SCD5: variants seen among roughly 807,000 people sequenced by gnomAD.
SCD5 encodes stearoyl-CoA desaturase 5.
SCD5 carries 20 observed loss-of-function variants against 30.4 expected under a neutral mutation model. That is an observed-to-expected ratio of 0.66 (90% confidence interval 0.46 to 0.96). The LOEUF (loss-of-function observed/expected upper bound fraction) is 0.96. Among genes scored for constraint, SCD5 ranks in the 40% least tolerant of loss-of-function variants. The probability of loss-of-function intolerance (pLI) is 0.00; values close to 1 mark genes in which losing one functional copy is unlikely to be tolerated. For synonymous variants in SCD5, 173 were observed against 176.4 expected, an observed-to-expected ratio of 0.98 and a Z score of 0.16; for missense variants, 381 against 443.3, an observed-to-expected ratio of 0.86 and a Z score of 1.26.
At chr4:82,750,590 C>T in intron 1 of SCD5, among the ~76,000 whole-genome samples, 1 of 151,836 alleles carries the variant, frequency 6.6e-6, no homozygotes, top group Non-Finnish European at 1.5e-5. Context: ...TCTTTTGAGT[C>T]CTCGAGAATA....
At chr4:82,663,437 C>T (rs946497547) in intron 3 of SCD5, among the ~76,000 whole-genome samples, 6 of 152,298 alleles carry the variant, frequency 3.9e-5, no homozygotes, top group Admixed American at 1.3e-4. Flanking sequence ...ACCCAGGACC[C>T]CCTCTGCCAC....
chr4:82,754,530 C>G (rs1394504612), intron 1 of SCD5, among the ~76,000 whole-genome samples: 1 of 152,110 alleles, frequency 6.6e-6, no homozygotes, highest in African/African-American at 2.4e-5. Flanking sequence ...CCACCCTCCC[C>G]TCACCAGCAG....
chr4:82,721,131 G>A (rs1385899096), intron 1 of SCD5, among the ~76,000 whole-genome samples: 1 of 152,056 alleles, frequency 6.6e-6, no homozygotes, highest in South Asian at 2.1e-4. Context: ...ACTGCATTCC[G>A]GTCTAGGTGA....
intron 3 of SCD5, among the ~76,000 whole-genome samples, chr4:82,664,858 G>T (rs1256821661): frequency 6.6e-6 from 1 of 151,220 alleles, no homozygotes. Flanking sequence ...ATGCATTGTG[G>T]CTCATGCCTG....
chr4:82,653,707 T>TAGATAGATAGATAGATATAG (rs34976357), intron 3 of SCD5, among the ~76,000 whole-genome samples: 5,779 of 61,308 alleles, frequency 0.094, 178 homozygotes, highest in East Asian at 0.27. Flanking sequence ...GATAGATAGA[T>TAGATAGATAGATAGATATAG]ATAGATAGAT....
At chr4:82,783,664 G>A (rs1384652310) in intron 1 of SCD5, among the ~76,000 whole-genome samples, 1 of 152,004 alleles carries the variant, frequency 6.6e-6, no homozygotes, top group African/African-American at 2.4e-5. Flanking sequence ...TTAGCTGGGC[G>A]TGGCAGCGCA....
At chr4:82,725,353 G>A (rs1337093509) in intron 1 of SCD5, among the ~76,000 whole-genome samples, 8 of 152,090 alleles carry the variant, frequency 5.3e-5, no homozygotes, top group African/African-American at 1.7e-4. Flanking sequence ...TGTCACCACC[G>A]TCCACGCTAA....
At chr4:82,750,867 G>A in intron 1 of SCD5, among the ~76,000 whole-genome samples, 1 of 152,196 alleles carries the variant, frequency 6.6e-6, no homozygotes, top group East Asian at 1.9e-4. Context: ...GGCAGCAAAT[G>A]CCAAAGAACT....
intron 1 of SCD5, among the ~76,000 whole-genome samples, chr4:82,715,656 T>C (rs949391142): frequency 4.2e-5 from 5 of 118,252 alleles, no homozygotes; most frequent in Non-Finnish European, 6.6e-5. Context: ...ACAGGGGTCA[T>C]AACTCTGGCT....
chr4:82,793,476 G>A (rs974300946), intron 1 of SCD5, among the ~76,000 whole-genome samples: 4 of 152,208 alleles, frequency 2.6e-5, no homozygotes, highest in African/African-American at 7.2e-5. Context: ...TCTTTGGAAC[G>A]TTGAGAAAGA....
chr4:82,712,793 T>A (rs1214798861), intron 1 of SCD5, among the ~76,000 whole-genome samples: 9 of 152,240 alleles, frequency 5.9e-5, no homozygotes, highest in Non-Finnish European at 1.3e-4. Flanking sequence ...GGCAAGGACC[T>A]CTACGGCTAC....
chr4:82,658,361 T>C (rs1727909163), intron 3 of SCD5, among the ~76,000 whole-genome samples: 1 of 152,180 alleles, frequency 6.6e-6, no homozygotes. Flanking sequence ...ATTATGTGGT[T>C]TTTGTCATTG....
chr4:82,798,018 T>TC (rs1356396810), intron 1 of SCD5, among the ~76,000 whole-genome samples: 8 of 121,380 alleles, frequency 6.6e-5, no homozygotes, highest in African/African-American at 1.9e-4. Context: ...GGACTCCGGG[T>TC]CCCCCCCGGC....
chr4:82,764,729 T>C (rs796958192), intron 1 of SCD5, among the ~76,000 whole-genome samples: 2 of 136,028 alleles, frequency 1.5e-5, no homozygotes, highest in African/African-American at 6.3e-5. Context: ...TTCTTTTCTT[T>C]CTTTTTTTTT....
chr4:82,763,579 G>A (rs1298990153), intron 1 of SCD5, among the ~76,000 whole-genome samples: 1 of 152,200 alleles, frequency 6.6e-6, no homozygotes, highest in African/African-American at 2.4e-5. Context: ...GGCATCATAA[G>A]AGGAGAAATG....
chr4:82,784,625 T>C (rs10025871), intron 1 of SCD5, among the ~76,000 whole-genome samples: 68,835 of 152,084 alleles, frequency 0.45, 19,028 homozygotes, highest in Admixed American at 0.63. Flanking sequence ...CCCCAGAATT[T>C]AGACAGTGCT....
At chr4:82,748,656 C>T (rs758178230) in intron 1 of SCD5, among the ~76,000 whole-genome samples, 2 of 152,154 alleles carry the variant, frequency 1.3e-5, no homozygotes, top group Non-Finnish European at 2.9e-5. Context: ...CCACTATGGA[C>T]GGTCCTAACC....
At chr4:82,784,456 A>G (rs949686823) in intron 1 of SCD5, among the ~76,000 whole-genome samples, 1 of 152,338 alleles carries the variant, frequency 6.6e-6, no homozygotes, top group Middle Eastern at 3.4e-3. Context: ...TTTTATCTTT[A>G]TGGTGTTATT....
At chr4:82,772,230 A>G (rs1239284789) in intron 1 of SCD5, among the ~76,000 whole-genome samples, 1 of 152,238 alleles carries the variant, frequency 6.6e-6, no homozygotes, top group Non-Finnish European at 1.5e-5. Context: ...TACAGGAGAA[A>G]GAACAGACTG....
Sources: allele counts gnomAD v4.1 joint callset (sites outside exome capture counted in the v4.1 genomes callset), GRCh38; gene constraint gnomAD v4.1.1; transcripts MANE v1.5; gene names NCBI Gene and HGNC (gene_info 2026-07-23, HGNC 2026-07-21).